The following APP variants were observed in gnomAD, a reference collection of about 807,000 sequenced individuals.
APP encodes amyloid beta precursor protein, also known as amyloid-beta precursor protein.
A neutral mutation model predicts 101.4 loss-of-function variants in APP; 31 were observed. That is an observed-to-expected ratio of 0.31 (90% CI 0.23 to 0.41). APP has a LOEUF of 0.41. Ranked by LOEUF, APP falls within the 10% of genes least tolerant of loss-of-function variation. The pLI, the probability that APP is intolerant of heterozygous loss-of-function variation, is 1.00. For synonymous variants in APP, 366 were observed against 364.4 expected, an observed-to-expected ratio of 1.00 and a Z score of -0.05; for missense variants, 839 against 1,003.7, an observed-to-expected ratio of 0.84 and a Z score of 2.22.
intron 2 of APP, among the ~76,000 whole-genome samples, chr21:26,107,462 T>TC (rs2062209394): frequency 6.6e-6 from 1 of 152,204 alleles, no homozygotes. Context: ...AAACTACACT[T>TC]CAACTGCTTT....
At chr21:26,118,531 TAC>T (rs1192490750) in intron 1 of APP, among the ~76,000 whole-genome samples, 4 of 152,198 alleles carry the variant, frequency 2.6e-5, no homozygotes, top group Admixed American at 1.3e-4. Context: ...ATTCTGTCTT[TAC>T]AGTTTTTCTG....
chr21:25,983,961 T>C (rs1360150444), intron 8 of APP, among the ~76,000 whole-genome samples: 5 of 152,222 alleles, frequency 3.3e-5, no homozygotes, highest in Non-Finnish European at 7.3e-5. Flanking sequence ...GGCAGGAAAC[T>C]TAAGCACTCC....
chr21:25,998,069 G>A (rs1250500547), intron 7 of APP, among the ~76,000 whole-genome samples: 1 of 152,174 alleles, frequency 6.6e-6, no homozygotes, highest in Admixed American at 6.5e-5. Flanking sequence ...GTGAGGTGGA[G>A]AGAATTTTAA....
intron 8 of APP, among the ~76,000 whole-genome samples, chr21:25,987,028 A>G (rs1039010329): frequency 6.6e-6 from 1 of 152,254 alleles, no homozygotes; most frequent in African/African-American, 2.4e-5. Context: ...GGGCCAATCC[A>G]TCCACATGCT....
At chr21:25,931,921 C>A (rs1299027630) in intron 13 of APP, among the ~76,000 whole-genome samples, 1 of 152,154 alleles carries the variant, frequency 6.6e-6, no homozygotes, top group Non-Finnish European at 1.5e-5. Context: ...GTTCCCAATA[C>A]TAGCAGAACT....
At chr21:26,051,537 G>A (rs2035120604) in intron 4 of APP, among the ~76,000 whole-genome samples, 2 of 152,162 alleles carry the variant, frequency 1.3e-5, no homozygotes, top group Non-Finnish European at 2.9e-5. Context: ...GGCTTAATTC[G>A]TGTATCCAGA....
chr21:25,901,340 A>G (rs2038471776), intron 15 of APP, among the ~76,000 whole-genome samples: 1 of 151,420 alleles, frequency 6.6e-6, no homozygotes. Context: ...GCTCTCCACT[A>G]AAAACTTTAC....
intron 9 of APP, among the ~76,000 whole-genome samples, chr21:25,979,980 C>T (rs1324441587): frequency 6.6e-6 from 1 of 152,178 alleles, no homozygotes; most frequent in Admixed American, 6.5e-5. Context: ...AGAGCAATGA[C>T]TGCCTGTCTC....
chr21:26,075,327 G>T (rs1246417242), intron 3 of APP, among the ~76,000 whole-genome samples: 3 of 152,134 alleles, frequency 2.0e-5, no homozygotes, highest in Non-Finnish European at 2.9e-5. Flanking sequence ...CGCAGGAAAG[G>T]GTTAACCATC....
intron 3 of APP, among the ~76,000 whole-genome samples, chr21:26,059,741 A>G (rs1243959168): frequency 6.6e-6 from 1 of 152,042 alleles, no homozygotes; most frequent in Non-Finnish European, 1.5e-5. Context: ...ATACAAAAAA[A>G]TTAGCCAGGC....
intron 1 of APP, among the ~76,000 whole-genome samples, chr21:26,114,822 C>G (rs533396822): frequency 3.5e-4 from 53 of 152,092 alleles, no homozygotes; most frequent in African/African-American, 1.3e-3. Flanking sequence ...TGCTGACTAT[C>G]AAAAAGTGGT....
chr21:25,894,012 C>T (rs548622696), intron 16 of APP, among the ~76,000 whole-genome samples: 5 of 152,264 alleles, frequency 3.3e-5, no homozygotes, highest in African/African-American at 4.8e-5. Context: ...AGTCCTAGGG[C>T]GCTTAAGAAT....
At position 26,136,130 on chromosome 21, in the gene APP, C is replaced by CAAAAAAAA. The variant is rs566248174; in HGVS notation, c.58-23985_58-23984insTTTTTTTT. On this transcript the variant is annotated intron_variant, in intron 1 of 17. Coordinates refer to ENST00000346798, the MANE Select transcript of APP (RefSeq NM_000484.4). ...TGGGCAACAGAGTGAGACTCTGTCT[C>CAAAAAAAA]AAAAAAGAAAAAAGAAAAGAAAAGA... 3.2e-4 allele frequency among the ~76,000 whole-genome samples: 16 copies of CAAAAAAAA among 50,392 alleles called. 2 individuals carry two copies. The highest frequency in any genetic ancestry group is 2.9e-3 in the African/African-American group (14 of 4,802). 33.1% of individuals were successfully genotyped at this position (50,392 alleles called of 152,430 possible). A position where few individuals can be genotyped will look rare whatever the true frequency, so the allele number is the denominator to read the frequency against.
chr21:26,138,953 G>C (rs530806901), intron 1 of APP, among the ~76,000 whole-genome samples: 7 of 152,238 alleles, frequency 4.6e-5, no homozygotes, highest in African/African-American at 1.7e-4. Flanking sequence ...GCAATAAAGT[G>C]TTTGCAGTTT....
intron 5 of APP, among the ~76,000 whole-genome samples, chr21:26,037,035 A>G (rs536480173): frequency 3.3e-5 from 5 of 152,318 alleles, no homozygotes; most frequent in African/African-American, 1.2e-4. Flanking sequence ...AATACTATTA[A>G]GCCATACAAA....
chr21:26,031,761 G>C (rs2044837880), intron 5 of APP, among the ~76,000 whole-genome samples: 1 of 152,152 alleles, frequency 6.6e-6, no homozygotes, highest in Non-Finnish European at 1.5e-5. Context: ...GTTGATATTT[G>C]AATGGAGACA....
intron 15 of APP, among the ~76,000 whole-genome samples, chr21:25,901,187 G>T (rs2038443966): frequency 6.6e-6 from 1 of 151,432 alleles, no homozygotes; most frequent in East Asian, 1.9e-4. Flanking sequence ...AATCCCAGCT[G>T]CATGGGAAAC....
chr21:25,935,941 T>G (rs6516714), intron 13 of APP, among the ~76,000 whole-genome samples: 151,994 of 151,996 alleles, frequency 1, 75,996 homozygotes, highest in Non-Finnish European at 1. Flanking sequence ...AAGGCCGAGT[T>G]TAGGCTGCCA....
At chr21:26,013,986 T>TTC (rs2043936974) in intron 6 of APP, among the ~76,000 whole-genome samples, 1 of 150,116 alleles carries the variant, frequency 6.7e-6, no homozygotes, top group African/African-American at 2.5e-5. Flanking sequence ...CTGACACTAG[T>TTC]TCTCTTGACA....
Sources: allele counts gnomAD v4.1 joint callset (sites outside exome capture counted in the v4.1 genomes callset), GRCh38; gene constraint gnomAD v4.1.1; transcripts MANE v1.5; gene names NCBI Gene and HGNC (gene_info 2026-07-23, HGNC 2026-07-21).